The following ZNF44 variants were observed in gnomAD, a reference collection of about 807,000 sequenced individuals.
The protein encoded by ZNF44 is zinc finger protein 44.
ZNF44 carries 9 observed loss-of-function variants against 11.7 expected under a neutral mutation model. The observed-to-expected ratio is 0.77, with a 90% CI of 0.46 to 1.35. ZNF44 has a LOEUF of 1.35. Ranked by LOEUF, ZNF44 falls within the 40% of genes most tolerant of loss-of-function variation. ZNF44 has a pLI of 0.00. For synonymous variants in ZNF44, 224 were observed against 242.7 expected (o/e 0.92, Z 0.72); for missense variants, 696 against 743.1 (o/e 0.94, Z 0.74).
At chr19:12,249,655 C>T (rs551440119) in intron 7 of ZNF44, among the ~76,000 whole-genome samples, 16 of 152,038 alleles carry the variant, frequency 1.1e-4, no homozygotes, top group South Asian at 2.1e-4. Context: ...CGGGTTAAAG[C>T]GATTCTCCTG....
intron 7 of ZNF44, chr19:12,248,743 C>A: frequency 1.0e-6 from 1 of 957,664 alleles, no homozygotes; most frequent in Non-Finnish European, 1.4e-6. Context: ...TTAACTGATA[C>A]TAGAATAACT....
At chr19:12,243,684 A>G (rs941889021), downstream of ZNF44, among the ~76,000 whole-genome samples, 1 of 152,154 alleles carries the variant, frequency 6.6e-6, no homozygotes, top group African/African-American at 2.4e-5. Context: ...ATATGCATAT[A>G]CCCAGGAGTG....
rs546848080 is a variant in ZNF44, at chr19:12,254,640, C to T, written c.1913-4272G>A. On this transcript the variant is annotated intron_variant and NMD_transcript_variant, in intron 5 of 7. Coordinates refer to the ZNF44 transcript ENST00000393337. ...ATCTCAGCTACTTGGGAGGCTGAGG[C>T]GGGGGAATTGCTTGAACCAGGGAAG... 3.3e-5 allele frequency among the ~76,000 whole-genome samples: 5 copies of T among 152,078 alleles called. No individual in the cohort carries two copies. In the South Asian group the frequency reaches 8.3e-4, roughly 25 times the overall value.
chr19:12,255,130 A>C (rs56872745), intron 5 of ZNF44, among the ~76,000 whole-genome samples: 46 of 139,692 alleles, frequency 3.3e-4, no homozygotes, highest in African/African-American at 1.4e-3. Flanking sequence ...ACACACACAC[A>C]CACCCCTTTG....
At chr19:12,255,245 G>A (rs2438571) in intron 5 of ZNF44, among the ~76,000 whole-genome samples, 9,622 of 151,692 alleles carry the variant, frequency 0.063, 1,039 homozygotes, top group African/African-American at 0.22. Context: ...TGTGCTTTAG[G>A]AAATTAGAAA....
intron 1 of ZNF44, chr19:12,285,171 G>A: frequency 1.8e-6 from 1 of 554,112 alleles, no homozygotes; most frequent in South Asian, 2.8e-5. Context: ...GGCTCCAGCT[G>A]TGGCTACAAC....
chr19:12,278,355 ACT>A (rs1159856966), intron 1 of ZNF44, among the ~76,000 whole-genome samples: 3 of 151,916 alleles, frequency 2.0e-5, no homozygotes, highest in Non-Finnish European at 4.4e-5. Flanking sequence ...TGTGGGTAAA[ACT>A]CTGTTTGTGG....
chr19:12,294,742 G>A lies in ZNF44; in HGVS notation c.-48C>T. 6.5e-7 allele frequency: 1 copy of A among 1,544,270 alleles called. No homozygotes were observed. The highest frequency in any genetic ancestry group is 8.7e-7 in the Non-Finnish European group (1 of 1,144,804). ...GGTCCTCCCAACTCCCGTAGTCAGG[G>A]TAGGTCCCAGCGCGACAAAAGCCAC... On this transcript the variant is annotated 5_prime_UTR_variant, in exon 1 of 4. Coordinates refer to ENST00000355684, the MANE Select transcript of ZNF44 (RefSeq NM_016264.4).
chr19:12,276,088 A>AC lies in ZNF44; in HGVS notation c.4-7dup, dbSNP rs780500843. ...TCCTCAAAGGCCACTGAGTCCTGAA[A>AC]CATCCCATATGTCCAGAAAAGGAAG... is the stretch of plus-strand genomic sequence containing the variant. On this transcript the variant is annotated splice_polypyrimidine_tract_variant and splice_region_variant and intron_variant, in intron 1 of 3. Coordinates refer to ENST00000355684, the MANE Select transcript of ZNF44 (RefSeq NM_016264.4). 11 of 1,601,376 alleles carry AC rather than the reference A, an allele frequency of 6.9e-6. No individual in the cohort carries two copies. In the Middle Eastern group the frequency reaches 1.0e-3, roughly 146 times the overall value.
intron 1 of ZNF44, among the ~76,000 whole-genome samples, chr19:12,286,358 G>A (rs1039131669): frequency 5.9e-5 from 9 of 151,834 alleles, no homozygotes; most frequent in East Asian, 5.8e-4. Context: ...ATTGGAGGCC[G>A]GGCGCGGTGG....
At chr19:12,259,086 G>T (rs1196947858) in intron 5 of ZNF44, among the ~76,000 whole-genome samples, 1 of 152,100 alleles carries the variant, frequency 6.6e-6, no homozygotes, top group African/African-American at 2.4e-5. Flanking sequence ...TGTTGCCCAG[G>T]CTCGTCTTGA....
At chr19:12,290,701 A>G (rs1369805928) in intron 1 of ZNF44, among the ~76,000 whole-genome samples, 1 of 151,292 alleles carries the variant, frequency 6.6e-6, no homozygotes, top group East Asian at 1.9e-4. Context: ...CTCTACCTCA[A>G]ATAAATAAAT....
downstream of ZNF44, chr19:12,224,968 G>GGAGAT (rs1311287452): frequency 1.3e-5 from 2 of 152,258 alleles, no homozygotes; most frequent in African/African-American, 4.8e-5. Flanking sequence ...GTTTTTGGTT[G>GGAGAT]GAGATGTTAT....
In ZNF44 at chr19:12,272,736, G is replaced by T; in HGVS notation, c.1519C>A (p.Gln507Lys). 1 of 1,613,196 alleles carries T rather than the reference G, an allele frequency of 6.2e-7. No homozygotes were observed. The stretch of plus-strand genomic sequence containing the variant: ...CGACTGAAGGCTTTGCCACAAATTT[G>T]ACACTCATAAGATTTTTCTTCACTG... ...THSEEKSYEC[Q>K]ICGKAFSRFS... The change falls in exon 4 of 4, where the codon CAA (glutamine) becomes AAA (lysine). Residue 507 changes from glutamine to lysine, a missense_variant. Coordinates refer to ENST00000355684, the MANE Select transcript of ZNF44 (RefSeq NM_016264.4).
At chr19:12,248,128 T>C (rs1599496035) in exon 8 of ZNF44, 1 of 1,304,264 alleles carries the variant, frequency 7.7e-7, no homozygotes, top group Non-Finnish European at 1.0e-6. Context: ...TTCTGTACAG[T>C]GTGATTCCTT....
At chr19:12,239,412 CCTTT>C (rs1916525781), upstream of ZNF44, among the ~76,000 whole-genome samples, 1 of 123,338 alleles carries the variant, frequency 8.1e-6, no homozygotes, top group South Asian at 2.4e-4. Flanking sequence ...CTGCACCTGG[CCTTT>C]TTTTTTTTTT....
At chr19:12,288,757 C>CAA (rs1348181476) in intron 1 of ZNF44, among the ~76,000 whole-genome samples, 20 of 45,216 alleles carry the variant, frequency 4.4e-4, no homozygotes, top group Non-Finnish European at 6.8e-4. Flanking sequence ...GACTCCGTCT[C>CAA]AAAAAAAAAA....
chr19:12,249,523 A>C (rs977721920), intron 7 of ZNF44, among the ~76,000 whole-genome samples: 2 of 151,602 alleles, frequency 1.3e-5, no homozygotes, highest in African/African-American at 4.8e-5. Flanking sequence ...AAAAAAAAAA[A>C]AAGAAAAGAA....
intron 2 of ZNF44, among the ~76,000 whole-genome samples, chr19:12,231,983 C>T (rs2145675456): frequency 6.6e-6 from 1 of 152,318 alleles, no homozygotes; most frequent in African/African-American, 2.4e-5. Flanking sequence ...CCGCCAGCCT[C>T]TGAGTTCCCT....
Sources: allele counts gnomAD v4.1 joint callset (sites outside exome capture counted in the v4.1 genomes callset), GRCh38; gene constraint gnomAD v4.1.1; transcripts MANE v1.5; gene names NCBI Gene and HGNC (gene_info 2026-07-23, HGNC 2026-07-21).